ZC3HAV1: variants seen among roughly 807,000 people sequenced by gnomAD.
ZC3HAV1 encodes the protein zinc finger CCCH-type containing, antiviral 1.
ZC3HAV1 carries 41 observed loss-of-function variants against 86.6 expected under a neutral mutation model. The observed-to-expected ratio is 0.47, with a 90% CI of 0.37 to 0.61. The LOEUF is 0.61. ZC3HAV1 is among the 20% of genes least tolerant of loss of function. ZC3HAV1 has a pLI of 0.00. For missense variants in ZC3HAV1, 964 were observed against 1,141.1 expected, an observed-to-expected ratio of 0.84 and a Z score of 2.24; for synonymous variants, 421 against 432.1, an observed-to-expected ratio of 0.97 and a Z score of 0.32.
In ZC3HAV1 at chr7:139,044,533, CTA is replaced by C. The variant is rs1214122830; in HGVS notation, c.*3059_*3060del. ...CATGTGTGTAAGTAGATTGTATTAT[CTA>C]TGAGTCATTTCAGGTCAGCAAAGAG... On this transcript the variant is annotated 3_prime_UTR_variant, in exon 13 of 13. Transcript: ENST00000242351. The C allele has an allele frequency of 1.1e-4, 17 of 151,908 alleles. No individual in the cohort carries two copies. The highest frequency in any genetic ancestry group is 4.1e-4 in the African/African-American group (17 of 41,274). The allele number at this position is 151,908 out of a possible 1,614,324, so 9.4% of individuals were successfully genotyped here.
intron 7 of ZC3HAV1, among the ~76,000 whole-genome samples, chr7:139,066,340 T>C (rs756746831): frequency 1.1e-4 from 17 of 152,188 alleles, no homozygotes; most frequent in Non-Finnish European, 1.9e-4. Flanking sequence ...CAACAGAATG[T>C]ACGTGTCCAA....
intron 9 of ZC3HAV1, among the ~76,000 whole-genome samples, chr7:139,058,046 T>C (rs12666903): frequency 0.39 from 59,364 of 151,680 alleles, 12,408 homozygotes; most frequent in East Asian, 0.68. Flanking sequence ...CACTTCTATG[T>C]CCCACTGTAG....
chr7:139,104,697 T>TA (rs1817874998), intron 1 of ZC3HAV1, among the ~76,000 whole-genome samples: 1 of 98,988 alleles, frequency 1.0e-5, no homozygotes, highest in Admixed American at 1.5e-4. Flanking sequence ...CACTCCAGCC[T>TA]GGCAACAGAG....
chr7:139,060,538 A>T, intron 9 of ZC3HAV1: 1 of 997,242 alleles, frequency 1.0e-6, no homozygotes. Context: ...AACAAAAGAC[A>T]CCCAAAAGAA....
At chr7:139,077,277 T>A (rs377721374) in intron 5 of ZC3HAV1, among the ~76,000 whole-genome samples, 186 of 152,356 alleles carry the variant, frequency 1.2e-3, no homozygotes, top group African/African-American at 4.1e-3. Flanking sequence ...TCTCACTCAC[T>A]CTGTCGCCCA....
chr7:139,082,307 C>A (rs557559832), intron 3 of ZC3HAV1, among the ~76,000 whole-genome samples: 1 of 149,302 alleles, frequency 6.7e-6, no homozygotes, highest in African/African-American at 2.5e-5. Flanking sequence ...GCACTTCATA[C>A]TCCTTAGGAT....
chr7:139,097,238 C>T (rs1817617037), intron 1 of ZC3HAV1, among the ~76,000 whole-genome samples: 2 of 149,494 alleles, frequency 1.3e-5, no homozygotes, highest in Non-Finnish European at 3.0e-5. Context: ...CTCTTCGGAA[C>T]AGAATTTCCA....
chr7:139,078,095 C>T (rs1281850979), intron 5 of ZC3HAV1, among the ~76,000 whole-genome samples: 2 of 152,244 alleles, frequency 1.3e-5, no homozygotes, highest in South Asian at 2.1e-4. Flanking sequence ...AAAAATTAGC[C>T]GGACGGGGTG....
At chr7:139,071,944 G>T (rs2130694550) in intron 7 of ZC3HAV1, among the ~76,000 whole-genome samples, 1 of 152,310 alleles carries the variant, frequency 6.6e-6, no homozygotes, top group East Asian at 1.9e-4. Flanking sequence ...CCCGCCATGT[G>T]GCCCACTATA....
rs376128684 is a variant in ZC3HAV1 at position 139,095,625 on chromosome 7, T to C, written c.309-5866A>G. On this transcript the variant is annotated intron_variant, in intron 1 of 12. Coordinates refer to ENST00000242351, the MANE Select transcript of ZC3HAV1 (RefSeq NM_020119.4). ...CAGAGGAGGCTGGGCCCGCTGAGGA[T>C]AGGGGAGGCCGGAGGCCAAGAATCC... Among the ~76,000 whole-genome samples, 187 of 152,206 alleles carry C rather than the reference T, an allele frequency of 1.2e-3. 1 individual carries two copies. Among genetic ancestry groups the C allele is most frequent in the African/African-American group, 4.1e-3 (171 of 41,534 alleles).
At chr7:139,083,602 C>T (rs1817189451) in intron 3 of ZC3HAV1, among the ~76,000 whole-genome samples, 178 bp downstream of exon 3, 1 of 151,796 alleles carries the variant, frequency 6.6e-6, no homozygotes, top group Admixed American at 6.6e-5. Flanking sequence ...TGGTGCACAC[C>T]TGTAATCCCA....
chr7:139,101,243 G>A (rs910500173), intron 1 of ZC3HAV1, among the ~76,000 whole-genome samples: 7 of 151,610 alleles, frequency 4.6e-5, no homozygotes, highest in African/African-American at 1.7e-4. Flanking sequence ...TGCCGAGATC[G>A]CAGCCTCTGC....
In ZC3HAV1 at chr7:139,047,445, TA is replaced by T; in HGVS notation, c.*148del. ...TTGTTTAAAACCTCCCAGATGATTCTAATATGTAGCAAAATTTGGGGACCAC... is the reference window on the plus strand; with the variant it reads ...TTGTTTAAAACCTCCCAGATGATTCTATATGTAGCAAAATTTGGGGACCAC... On this transcript the variant is annotated 3_prime_UTR_variant, in exon 13 of 13. Coordinates refer to ENST00000242351, the MANE Select transcript of ZC3HAV1 (RefSeq NM_020119.4). 1 of 1,096,976 alleles carries T rather than the reference TA, an allele frequency of 9.1e-7. No individual in the cohort carries two copies. The highest frequency in any genetic ancestry group is 1.3e-6 in the Non-Finnish European group (1 of 770,318). 68.0% of individuals were successfully genotyped at this position (1,096,976 alleles called of 1,614,324 possible).
rs1429775932 is a variant in ZC3HAV1 at position 139,044,033 on chromosome 7, G to A, written c.*3561C>T. ...GATGTCCTGCAGTGTGTGGGTTAGT[G>A]CCACACAACGAAGAATTATTCTGTA... On this transcript the variant is annotated 3_prime_UTR_variant, in exon 13 of 13. Transcript: ENST00000242351. The A allele has an allele frequency of 6.6e-6, 1 of 152,194 alleles. No individual in the cohort carries two copies. The highest frequency in any genetic ancestry group is 1.5e-5 in the Non-Finnish European group (1 of 68,046). The allele number at this position is 152,194 out of a possible 1,614,324, so 9.4% of individuals were successfully genotyped here.
At chr7:139,081,997 G>A (rs1817139549) in intron 3 of ZC3HAV1, among the ~76,000 whole-genome samples, 1 of 152,210 alleles carries the variant, frequency 6.6e-6, no homozygotes, top group South Asian at 2.1e-4. Flanking sequence ...GGGCATGGTG[G>A]CTTACGCCTG....
chr7:139,072,990 G>T (rs79989982), intron 7 of ZC3HAV1, among the ~76,000 whole-genome samples: 1,662 of 152,194 alleles, frequency 0.011, 29 homozygotes, highest in African/African-American at 0.038. Flanking sequence ...GTCTCAAGCG[G>T]TTCCTTAAAA....
At chr7:139,073,714 C>A in intron 7 of ZC3HAV1, 142 bp downstream of exon 7, 2 of 692,390 alleles carry the variant, frequency 2.9e-6, no homozygotes. Context: ...TGGTCTCGAA[C>A]TCCTGATCTC....
intron 2 of ZC3HAV1, 115 bp from the exon 3 acceptor site, chr7:139,084,147 A>G (rs881670): frequency 0.061 from 84,944 of 1,387,878 alleles, 2,811 homozygotes; most frequent in African/African-American, 0.079. Context: ...GATATACCAA[A>G]GGGGGAAAAA....
chr7:139,098,506 A>T (rs1817670409), intron 1 of ZC3HAV1, among the ~76,000 whole-genome samples: 1 of 152,156 alleles, frequency 6.6e-6, no homozygotes, highest in South Asian at 2.1e-4. Flanking sequence ...AAACATATTA[A>T]AATATCTTCC....
Sources: gnomAD v4.1 joint callset for allele counts (sites outside exome capture counted in the v4.1 genomes callset) on GRCh38, gnomAD v4.1.1 for gene constraint, MANE v1.5 for transcripts, NCBI Gene and HGNC (gene_info 2026-07-23, HGNC 2026-07-21) for gene names.